Variants in TSHR observed in about 807,000 individuals in gnomAD.
TSHR encodes the protein thyroid stimulating hormone receptor, also known as thyrotropin receptor.
A neutral mutation model predicts 64.1 loss-of-function variants in TSHR; 51 were observed. The observed-to-expected ratio is 0.80, with a 90% CI of 0.64 to 1.01. The LOEUF (loss-of-function observed/expected upper bound fraction) is 1.01. TSHR is among the 50% of genes least tolerant of loss of function. TSHR has a pLI of 0.00. For synonymous variants in TSHR, 361 were observed against 361.9 expected, an observed-to-expected ratio of 1.00 and a Z score of 0.03; for missense variants, 877 against 942.8, an observed-to-expected ratio of 0.93 and a Z score of 0.91.
intron 1 of TSHR, among the ~76,000 whole-genome samples, chr14:81,019,205 G>C (rs957928942): frequency 1.3e-5 from 2 of 151,858 alleles, no homozygotes; most frequent in Non-Finnish European, 2.9e-5. Context: ...TTGGTGGCGG[G>C]CACCTGTAGT....
At chr14:81,002,365 T>C (rs1333122244) in intron 1 of TSHR, among the ~76,000 whole-genome samples, 2 of 152,084 alleles carry the variant, frequency 1.3e-5, no homozygotes, top group African/African-American at 4.8e-5. Context: ...ATATCAGTTG[T>C]GTGTGATTTT....
In TSHR at chr14:81,008,423, T is replaced by G. The variant is rs781595503; in HGVS notation, c.170+52573T>G. ...TCCTGACTTCATGATCTGCCCACCT[T>G]GGCCTCCCAAAGTGCTGGGATTACA... On this transcript the variant is annotated intron_variant, in intron 1 of 9. Coordinates refer to ENST00000298171, the MANE Select transcript of TSHR (RefSeq NM_000369.5). 3.6e-4 allele frequency among the ~76,000 whole-genome samples: 55 copies of G among 152,196 alleles called. 1 individual carries two copies. In the East Asian group the frequency reaches 0.01, roughly 29 times the overall value.
rs979591431 is a variant in TSHR at position 81,103,228 on chromosome 14, T to G, written c.615-5147T>G. 1 of 985,326 alleles carries G rather than the reference T, an allele frequency of 1.0e-6. No individual in the cohort carries two copies. Among genetic ancestry groups the G allele is most frequent in the African/African-American group, 1.7e-5 (1 of 57,250 alleles). 61.0% of individuals were successfully genotyped at this position (985,326 alleles called of 1,614,324 possible). On this transcript the variant is annotated intron_variant, in intron 7 of 9. Coordinates refer to ENST00000298171, the MANE Select transcript of TSHR (RefSeq NM_000369.5). The surrounding 1 kb of genome is among the most constrained non-coding windows in gnomAD (Gnocchi z 4.1). ...TGTGTTTTTAACATAGGGATGTTGC[T>G]TTTGGTGTCAATGCTAATTAAGATT... is the stretch of plus-strand genomic sequence containing the variant.
At chr14:80,997,035 A>G (rs1040791352) in intron 1 of TSHR, among the ~76,000 whole-genome samples, 5 of 152,238 alleles carry the variant, frequency 3.3e-5, no homozygotes, top group East Asian at 1.9e-4. Context: ...ATTACTATCC[A>G]TTTAGTGACT....
chr14:81,091,296 AAGGACTG>A lies in TSHR; in HGVS notation c.467+156_467+162del, dbSNP rs376672846. Among the ~76,000 whole-genome samples, 267 of 152,350 alleles carry A rather than the reference AAGGACTG, an allele frequency of 1.8e-3. 1 individual carries two copies. Among genetic ancestry groups the A allele is most frequent in the Middle Eastern group, 0.014 (4 of 294 alleles). ...TGACTACACTGGCATGAAGTAAGGCAAGGACTGAGAAATAACCACTGGCTTTAGCAAT... is the reference window on the plus strand; with the variant it reads ...TGACTACACTGGCATGAAGTAAGGCAAGAAATAACCACTGGCTTTAGCAAT... On this transcript the variant is annotated intron_variant, in intron 5 of 9. Coordinates refer to ENST00000298171, the MANE Select transcript of TSHR (RefSeq NM_000369.5).
intron 1 of TSHR, among the ~76,000 whole-genome samples, chr14:81,004,954 A>G (rs1157202301): frequency 6.6e-6 from 1 of 152,188 alleles, no homozygotes; most frequent in Non-Finnish European, 1.5e-5. Context: ...AATATGAGGA[A>G]GGCACTGTTA....
At position 80,989,829 on chromosome 14, in the gene TSHR, A is replaced by T. The variant is rs148512748; in HGVS notation, c.170+33979A>T. ...TAAGACAACCCTGTATTTTACAGCT[A>T]AGGGAACTGAGACCCAGAAAGAGTA... On this transcript the variant is annotated intron_variant, in intron 1 of 9. Transcript: ENST00000298171. Among the ~76,000 whole-genome samples, 64 of 152,306 alleles carry T rather than the reference A, an allele frequency of 4.2e-4. 2 individuals carry two copies. Among genetic ancestry groups the T allele is most frequent in the African/African-American group, 1.4e-3 (59 of 41,564 alleles).
At chr14:81,107,482 A>G (rs968711943) in intron 7 of TSHR, among the ~76,000 whole-genome samples, 1 of 152,234 alleles carries the variant, frequency 6.6e-6, no homozygotes, top group Non-Finnish European at 1.5e-5. Flanking sequence ...TAATAAAGTT[A>G]TGGGGAAACA....
intron 3 of TSHR, chr14:81,087,403 C>T (rs1346208761): frequency 1.2e-5 from 2 of 173,096 alleles, no homozygotes; most frequent in East Asian, 3.2e-4. Context: ...TTGCACTATA[C>T]ATGCAGAAGT....
At chr14:81,089,684 T>G (rs950992217) in intron 4 of TSHR, among the ~76,000 whole-genome samples, 1 of 152,198 alleles carries the variant, frequency 6.6e-6, no homozygotes, top group Admixed American at 6.5e-5. Flanking sequence ...TGTTTGAGAT[T>G]TTTGAAGAAT....
intron 8 of TSHR, among the ~76,000 whole-genome samples, chr14:81,114,624 G>A (rs975511364): frequency 2.0e-5 from 3 of 152,210 alleles, no homozygotes; most frequent in African/African-American, 7.2e-5. Context: ...CCATTGCACA[G>A]GCGTGCTTAG....
chr14:81,123,882 A>G (rs1302364021), intron 8 of TSHR, among the ~76,000 whole-genome samples: 1 of 152,146 alleles, frequency 6.6e-6, no homozygotes, highest in Admixed American at 6.5e-5. Context: ...CCATTTTTAT[A>G]CTTTCCATTT....
chr14:81,088,577 G>A (rs573822117), intron 4 of TSHR, among the ~76,000 whole-genome samples: 8 of 152,224 alleles, frequency 5.3e-5, no homozygotes, highest in Admixed American at 5.2e-4. Context: ...TTTTTTCTCT[G>A]TTGAATCTTT....
At chr14:80,983,376 A>C in intron 1 of TSHR, 2 of 1,116,150 alleles carry the variant, frequency 1.8e-6, no homozygotes, top group Non-Finnish European at 2.6e-6. Context: ...GTACAAAACC[A>C]GACATCTTGT....
At chr14:80,991,442 G>C in intron 1 of TSHR, 1 of 392,188 alleles carries the variant, frequency 2.5e-6, no homozygotes, top group Non-Finnish European at 4.5e-6. Flanking sequence ...ACAAATTTTT[G>C]TGAAGGGCAA....
chr14:81,032,572 G>A, intron 1 of TSHR: 1 of 438,756 alleles, frequency 2.3e-6, no homozygotes, highest in Non-Finnish European at 4.5e-6. Flanking sequence ...CTTGCTTGTG[G>A]CTCCTTCAAT....
Position 81,144,490 on chromosome 14 carries a change from G to GCCTT in TSHR, c.*138_*139insCTTC. 1.1e-6 allele frequency: 1 copy of GCCTT among 896,048 alleles called. No homozygotes were observed. The allele number at this position is 896,048 out of a possible 1,614,324, so 55.5% of individuals were successfully genotyped here. ...AGGCGATGTTTCAATGTTTCATGGG[G>GCCTT]CAAGAGTTTATCTCTGGAGAGTGAT... On this transcript the variant is annotated 3_prime_UTR_variant, in exon 10 of 10. Transcript: ENST00000298171.
chr14:80,997,394 T>G (rs2139751880), intron 1 of TSHR, among the ~76,000 whole-genome samples: 1 of 152,310 alleles, frequency 6.6e-6, no homozygotes, highest in Non-Finnish European at 1.5e-5. Context: ...GCTCCTATTT[T>G]TAAAAAACAA....
intron 1 of TSHR, among the ~76,000 whole-genome samples, chr14:81,006,975 A>G (rs550405083): frequency 3.3e-4 from 51 of 152,358 alleles, no homozygotes; most frequent in African/African-American, 1.2e-3. Context: ...ACTGAAGTCC[A>G]TATCTTATTT....
Sources: gnomAD v4.1 joint callset for allele counts (sites outside exome capture counted in the v4.1 genomes callset) on GRCh38, gnomAD v4.1.1 for gene constraint, Gnocchi (gnomAD v3.1) non-coding constraint, MANE v1.5 for transcripts, NCBI Gene and HGNC (gene_info 2026-07-23, HGNC 2026-07-21) for gene names.